The following KCNH8 variants were observed in gnomAD, a reference collection of about 807,000 sequenced individuals.
KCNH8 encodes voltage-gated delayed rectifier potassium channel KCNH8.
In KCNH8, 70 loss-of-function variants were observed where a neutral mutation model predicts 103.6. That is an observed-to-expected ratio of 0.68 (90% CI 0.56 to 0.82). The LOEUF is 0.82. Among genes scored for constraint, KCNH8 ranks in the 40% least tolerant of loss-of-function variants. The pLI is 0.00. For missense variants in KCNH8, 1,217 were observed against 1,329.9 expected (o/e 0.92, Z 1.32); for synonymous variants, 498 against 489.4 (o/e 1.02, Z -0.23).
chr3:19,513,043 A>C lies in KCNH8; in HGVS notation c.2153A>C (p.Glu718Ala). The change falls in exon 13 of 16, where the codon GAG (glutamate) becomes GCG (alanine). Residue 718 changes from glutamate to alanine, a missense_variant. This residue lies in a region of KCNH8 where 558 missense variants were observed against 495.8 expected (regional missense o/e 1.13). Transcript: ENST00000328405. ...GTGGAAGATGAGGAAGAGGAGGAGG[A>C]GGGGGAGGAAGAGGAGGCAGTCTCC... is the stretch of plus-strand genomic sequence containing the variant. ...SIVEDEEEEE[E>A]GEEEEAVSLS... The C allele has an allele frequency of 6.2e-7, 1 of 1,613,480 alleles. No individual in the cohort carries two copies. Among genetic ancestry groups the C allele is most frequent in the South Asian group, 1.1e-5 (1 of 91,066 alleles).
At position 19,488,365 on chromosome 3, in the gene KCNH8, G is replaced by C. The variant is rs879449430; in HGVS notation, c.2041-21998G>C. Among the ~76,000 whole-genome samples, 13 of 152,312 alleles carry C rather than the reference G, an allele frequency of 8.5e-5. No homozygotes were observed. The East Asian group carries it at 2.3e-3, about 27-fold the overall frequency. Reference sequence around the variant, plus strand: ...TGGTGTTCGGCTTTCTCAGCGGCTTGTTGCATCTTTGTTCACAAACAAACA... The same window carrying C: ...TGGTGTTCGGCTTTCTCAGCGGCTTCTTGCATCTTTGTTCACAAACAAACA... On this transcript the variant is annotated intron_variant, in intron 11 of 15. Transcript: ENST00000328405.
chr3:19,367,390 C>CTA (rs1440062617), intron 5 of KCNH8, among the ~76,000 whole-genome samples: 35 of 143,666 alleles, frequency 2.4e-4, no homozygotes, highest in African/African-American at 8.1e-4. Context: ...CTCTCTCTCT[C>CTA]TCTCTATATA....
intron 5 of KCNH8, among the ~76,000 whole-genome samples, chr3:19,362,811 A>G (rs569074787): frequency 2.6e-4 from 39 of 152,266 alleles, no homozygotes; most frequent in African/African-American, 8.9e-4. Flanking sequence ...GGCATGTGCC[A>G]TCACGCCTGG....
chr3:19,153,638 T>TC (rs1270073178), intron 1 of KCNH8, among the ~76,000 whole-genome samples: 2 of 147,620 alleles, frequency 1.4e-5, no homozygotes, highest in African/African-American at 5.0e-5. Flanking sequence ...CTTTTTTCTT[T>TC]TTTTTTTTTT....
chr3:19,170,415 G>T lies in KCNH8; in HGVS notation c.76+21620G>T, dbSNP rs187845712. On this transcript the variant is annotated intron_variant, in intron 1 of 15. Transcript: ENST00000328405. ...GTTATATCATATATGATGTAATAGGGTCTCAAGCTTACAGAATTTAGAACA... is the reference window on the plus strand; with the variant it reads ...GTTATATCATATATGATGTAATAGGTTCTCAAGCTTACAGAATTTAGAACA... Among the ~76,000 whole-genome samples the T allele has an allele frequency of 2.1e-4, 32 of 151,834 alleles. No individual in the cohort carries two copies. The East Asian group carries it at 5.4e-3, about 26-fold the overall frequency.
intron 7 of KCNH8, among the ~76,000 whole-genome samples, chr3:19,429,135 T>G (rs1016229224): frequency 6.6e-6 from 1 of 151,428 alleles, no homozygotes; most frequent in Non-Finnish European, 1.5e-5. Context: ...TTATATGTTT[T>G]TAAATGCATA....
chr3:19,355,884 A>AT (rs2065875250), intron 5 of KCNH8, among the ~76,000 whole-genome samples: 1 of 140,626 alleles, frequency 7.1e-6, no homozygotes, highest in African/African-American at 2.7e-5. Context: ...AAGTATAATA[A>AT]AATATATATA....
chr3:19,533,448 G>T lies in KCNH8; in HGVS notation c.2673G>T (p.Val891=). Residue 891 remains valine, a synonymous_variant, in exon 16 of 16, where the codon GTG becomes GTT. Transcript: ENST00000328405. Reference sequence around the variant, plus strand: ...AGTTGGGTAAAGACATGAGAAATGTGATCCAGCTTCTGGAAAACGTTCTGT... The same window carrying T: ...AGTTGGGTAAAGACATGAGAAATGTTATCCAGCTTCTGGAAAACGTTCTGT... ...VSQLGKDMRN[V]IQLLENVLSP... The T allele has an allele frequency of 6.2e-7, 1 of 1,614,096 alleles. No individual in the cohort carries two copies. The highest frequency in any genetic ancestry group is 8.5e-7 in the Non-Finnish European group (1 of 1,180,016).
At chr3:19,187,697 TG>T (rs2063515830) in intron 1 of KCNH8, among the ~76,000 whole-genome samples, 1 of 152,114 alleles carries the variant, frequency 6.6e-6, no homozygotes, top group Non-Finnish European at 1.5e-5. Context: ...TGTTAACAAA[TG>T]CATAAGATAC....
rs150600146 is a variant in KCNH8, at chr3:19,318,609, C to G, written c.443-23978C>G. 8.8e-4 allele frequency among the ~76,000 whole-genome samples: 132 copies of G among 149,972 alleles called. 1 individual carries two copies. The highest frequency in any genetic ancestry group is 3.2e-3 in the African/African-American group (129 of 40,900). ...TTGCTGCAAATGCCATTATTTTGTT[C>G]CTTTTTATGGCTGAGTAGTATTACA... On this transcript the variant is annotated intron_variant, in intron 3 of 15. Coordinates refer to ENST00000328405, the MANE Select transcript of KCNH8 (RefSeq NM_144633.3).
At chr3:19,359,270 G>T (rs1170043815) in intron 5 of KCNH8, among the ~76,000 whole-genome samples, 3 of 151,684 alleles carry the variant, frequency 2.0e-5, no homozygotes, top group African/African-American at 7.3e-5. Flanking sequence ...TACTAATAGG[G>T]CTAGTAAGTA....
intron 11 of KCNH8, among the ~76,000 whole-genome samples, chr3:19,509,074 T>C (rs533817044): frequency 6.6e-6 from 1 of 152,346 alleles, no homozygotes; most frequent in African/African-American, 2.4e-5. Context: ...TGTTTTATTT[T>C]TCACATTTTT....
rs527734656 is a variant in KCNH8, at chr3:19,255,219, G to T, written c.310+1332G>T. 3.3e-5 allele frequency among the ~76,000 whole-genome samples: 5 copies of T among 152,234 alleles called. No individual in the cohort carries two copies. The South Asian group carries it at 1.0e-3, about 32-fold the overall frequency. Reference sequence around the variant, plus strand: ...AGGAGAAACCAAACCTGTCAGCACCGTGATCTTAGACATCTAACTTCCAGA... The same window carrying T: ...AGGAGAAACCAAACCTGTCAGCACCTTGATCTTAGACATCTAACTTCCAGA... On this transcript the variant is annotated intron_variant, in intron 2 of 15. Coordinates refer to ENST00000328405, the MANE Select transcript of KCNH8 (RefSeq NM_144633.3).
chr3:19,404,505 T>C (rs1171391490), intron 7 of KCNH8, among the ~76,000 whole-genome samples: 1 of 151,922 alleles, frequency 6.6e-6, no homozygotes, highest in African/African-American at 2.4e-5. Flanking sequence ...TCAATCACTG[T>C]TTTTCTATTC....
At chr3:19,422,234 A>G (rs1438126086) in intron 7 of KCNH8, among the ~76,000 whole-genome samples, 1 of 152,134 alleles carries the variant, frequency 6.6e-6, no homozygotes, top group Non-Finnish European at 1.5e-5. Context: ...AGATCATGGT[A>G]TTTTAACATT....
intron 11 of KCNH8, among the ~76,000 whole-genome samples, chr3:19,465,102 A>T (rs1575097891): frequency 6.6e-6 from 1 of 152,214 alleles, no homozygotes; most frequent in Admixed American, 6.5e-5. Flanking sequence ...TTAGCAATTC[A>T]TAAGTTTTAC....
At chr3:19,499,640 T>A (rs1408941477) in intron 11 of KCNH8, among the ~76,000 whole-genome samples, 2 of 152,238 alleles carry the variant, frequency 1.3e-5, no homozygotes, top group East Asian at 3.9e-4. Context: ...TATTCAACAT[T>A]CTTAAGGAAA....
chr3:19,340,341 TTTTA>T (rs2065642371), intron 3 of KCNH8, among the ~76,000 whole-genome samples: 1 of 115,272 alleles, frequency 8.7e-6, no homozygotes, highest in Non-Finnish European at 1.8e-5. Context: ...AATTTATTTT[TTTTA>T]TTTTTTTTTT....
intron 15 of KCNH8, among the ~76,000 whole-genome samples, chr3:19,527,722 T>A (rs892360557): frequency 4.6e-5 from 7 of 152,122 alleles, no homozygotes; most frequent in African/African-American, 1.7e-4. Context: ...GTGTGTGGAT[T>A]ATCATGGCCA....
Sources: allele counts gnomAD v4.1 joint callset (sites outside exome capture counted in the v4.1 genomes callset), GRCh38; gene constraint gnomAD v4.1.1; regional missense constraint gnomAD v4.1.1; transcripts MANE v1.5; gene names NCBI Gene and HGNC (gene_info 2026-07-23, HGNC 2026-07-21).